The following TMEM131 variants were observed in gnomAD, a reference collection of about 807,000 sequenced individuals.
The protein encoded by TMEM131 is transmembrane protein 131, also known as 2610524E03Rik.
Under a neutral mutation model 211.6 loss-of-function variants are expected in TMEM131, and 66 were observed. The observed-to-expected ratio is 0.31, with a 90% confidence interval of 0.26 to 0.38. The LOEUF is 0.38. Ranked by LOEUF, TMEM131 falls within the 10% of genes least tolerant of loss-of-function variation. The pLI, the probability that TMEM131 is intolerant of heterozygous loss-of-function variation, is 1.00. For missense variants in TMEM131, 2,036 were observed against 2,299.3 expected, an observed-to-expected ratio of 0.89 and a Z score of 2.34; for synonymous variants, 844 against 841.3, an observed-to-expected ratio of 1.00 and a Z score of -0.06.
At position 97,794,002 on chromosome 2, in the gene TMEM131, A is replaced by C. The variant is rs1294984285; in HGVS notation, c.3387-449T>G. 2.7e-5 allele frequency among the ~76,000 whole-genome samples: 4 copies of C among 149,672 alleles called. No homozygotes were observed. The East Asian group carries it at 7.9e-4, about 30-fold the overall frequency. ...GAGCGAGACTCTGTCTCAAAAAAAA[A>C]AAAAAAAAAAAAACAAAAAACCCAC... is the stretch of plus-strand genomic sequence containing the variant. On this transcript the variant is annotated intron_variant, in intron 29 of 40. Transcript: ENST00000186436.
chr2:97,980,891 C>T (rs1679758165), intron 1 of TMEM131, among the ~76,000 whole-genome samples: 1 of 151,618 alleles, frequency 6.6e-6, no homozygotes, highest in African/African-American at 2.4e-5. Context: ...CATAACAGAT[C>T]AGTGGTTGAC....
chr2:97,993,135 G>C (rs752877989), intron 1 of TMEM131, among the ~76,000 whole-genome samples: 1 of 152,198 alleles, frequency 6.6e-6, no homozygotes, highest in Non-Finnish European at 1.5e-5. Flanking sequence ...AGATTTTGCA[G>C]TGAAATTATA....
At position 97,908,663 on chromosome 2, in the gene TMEM131, C is replaced by T. The variant is rs2104369563; in HGVS notation, c.285G>A (p.Gln95=). Reference sequence around the variant, plus strand: ...ATCTTATTAAATATACTTACCTTTTCTGCTGATATGAACTGAGTCCAAGTG... The same window carrying T: ...ATCTTATTAAATATACTTACCTTTTTTGCTGATATGAACTGAGTCCAAGTG... The part of the protein sequence containing the change: ...ETTLGLSSYQ[Q]KSISLYRGNC... Residue 95 remains glutamine, a synonymous_variant, in exon 3 of 41, where the codon CAG becomes CAA. Coordinates refer to ENST00000186436, the MANE Select transcript of TMEM131 (RefSeq NM_015348.2). 6.2e-7 allele frequency: 1 copy of T among 1,603,826 alleles called. No individual in the cohort carries two copies. Among genetic ancestry groups the T allele is most frequent in the East Asian group, 2.2e-5 (1 of 44,720 alleles).
intron 1 of TMEM131, among the ~76,000 whole-genome samples, chr2:97,945,866 T>C (rs1262435287): frequency 3.3e-5 from 5 of 152,162 alleles, no homozygotes; most frequent in East Asian, 3.8e-4. Context: ...TAAAAAGATA[T>C]ACATCAAGCA....
intron 32 of TMEM131, among the ~76,000 whole-genome samples, chr2:97,773,388 T>C (rs1212954689): frequency 6.6e-6 from 1 of 152,164 alleles, no homozygotes; most frequent in African/African-American, 2.4e-5. Flanking sequence ...GACGCCAGCA[T>C]GGACCTCTGC....
intron 3 of TMEM131, among the ~76,000 whole-genome samples, chr2:97,905,469 C>T (rs934575971): frequency 1.3e-5 from 2 of 152,146 alleles, no homozygotes; most frequent in African/African-American, 4.8e-5. Flanking sequence ...GACAGCTCCT[C>T]CCTCTCCCAA....
intron 22 of TMEM131, among the ~76,000 whole-genome samples, 200 bp from the exon 23 acceptor site, chr2:97,802,990 TC>T (rs1285069867): frequency 2.0e-5 from 3 of 152,226 alleles, no homozygotes; most frequent in Admixed American, 6.5e-5. Flanking sequence ...AAAATATCTG[TC>T]ACAGATCCTC....
intron 1 of TMEM131, among the ~76,000 whole-genome samples, chr2:97,949,641 G>A (rs36079497): frequency 0.35 from 51,995 of 150,608 alleles, 9,866 homozygotes; most frequent in Middle Eastern, 0.48. Flanking sequence ...GTGAAACCTC[G>A]TCTCTACTGA....
intron 4 of TMEM131, among the ~76,000 whole-genome samples, chr2:97,868,452 T>C (rs1674359831): frequency 6.6e-6 from 1 of 152,186 alleles, no homozygotes; most frequent in African/African-American, 2.4e-5. Context: ...AGATTATGTA[T>C]ATTTAATGCA....
chr2:97,853,431 C>CT (rs1396983937), intron 5 of TMEM131, among the ~76,000 whole-genome samples: 2 of 68,596 alleles, frequency 2.9e-5, no homozygotes, highest in Non-Finnish European at 6.2e-5. Context: ...CCCATCTCTA[C>CT]TAAAAAAAAA....
At chr2:97,917,309 CCAA>C (rs1177394960) in intron 2 of TMEM131, among the ~76,000 whole-genome samples, 2 of 152,174 alleles carry the variant, frequency 1.3e-5, no homozygotes, top group African/African-American at 2.4e-5. Flanking sequence ...AAAAAGTTTG[CCAA>C]CATCTGGCTT....
At chr2:97,783,937 G>A (rs1488442250) in intron 31 of TMEM131, among the ~76,000 whole-genome samples, 1 of 151,670 alleles carries the variant, frequency 6.6e-6, no homozygotes, top group Non-Finnish European at 1.5e-5. Flanking sequence ...ATTAATTAAA[G>A]GAAAGCAGGT....
In TMEM131 at chr2:97,915,582, T is replaced by C. The variant is rs115488332; in HGVS notation, c.250-6884A>G. Among the ~76,000 whole-genome samples the C allele has an allele frequency of 8.7e-4, 132 of 152,300 alleles. 1 individual carries two copies. The highest frequency in any genetic ancestry group is 3.1e-3 in the African/African-American group (127 of 41,564). ...GTCTTAATTAAACTCCTGGGCTCAA[T>C]GGCTCCTCTTCCCTTGGCCTCCCAA... On this transcript the variant is annotated intron_variant, in intron 2 of 40. Transcript: ENST00000186436.
intron 11 of TMEM131, among the ~76,000 whole-genome samples, chr2:97,825,984 CAT>C (rs1491207390): frequency 2.0e-5 from 3 of 152,236 alleles, no homozygotes; most frequent in Non-Finnish European, 2.9e-5. Context: ...CAAATATGTA[CAT>C]GTGTGGCCCT....
At chr2:97,823,251 C>T (rs1480635559) in intron 11 of TMEM131, among the ~76,000 whole-genome samples, 1 of 152,084 alleles carries the variant, frequency 6.6e-6, no homozygotes, top group East Asian at 1.9e-4. Context: ...TACCACAAAA[C>T]TCCCCGGGCT....
chr2:97,925,119 G>A (rs1232334850), intron 2 of TMEM131, among the ~76,000 whole-genome samples: 2 of 152,090 alleles, frequency 1.3e-5, no homozygotes, highest in African/African-American at 2.4e-5. Context: ...CGACTGACCC[G>A]TCTCAGCCTC....
intron 11 of TMEM131, among the ~76,000 whole-genome samples, chr2:97,819,087 T>A (rs1203090766): frequency 6.6e-6 from 1 of 152,172 alleles, no homozygotes; most frequent in African/African-American, 2.4e-5. Flanking sequence ...TTAAAGAAAT[T>A]CACAATACTG....
At chr2:97,880,550 G>A (rs1005364393) in intron 4 of TMEM131, among the ~76,000 whole-genome samples, 1 of 152,182 alleles carries the variant, frequency 6.6e-6, no homozygotes, top group Non-Finnish European at 1.5e-5. Context: ...GGATTTGACA[G>A]GAAGGGGATG....
intron 5 of TMEM131, among the ~76,000 whole-genome samples, chr2:97,847,936 G>A (rs1348168664): frequency 2.0e-5 from 3 of 151,786 alleles, no homozygotes; most frequent in Admixed American, 6.6e-5. Context: ...AAACTGACAC[G>A]CTGATTCTAA....
Sources: gnomAD v4.1 joint callset for allele counts (sites outside exome capture counted in the v4.1 genomes callset) on GRCh38, gnomAD v4.1.1 for gene constraint, MANE v1.5 for transcripts, NCBI Gene and HGNC (gene_info 2026-07-23, HGNC 2026-07-21) for gene names.